The following GPC6 variants were observed in gnomAD, a reference collection of about 807,000 sequenced individuals.
GPC6 encodes glypican-6.
GPC6 carries 14 observed loss-of-function variants against 55.2 expected under a neutral mutation model. The ratio of observed to expected loss-of-function variants is 0.25; its 90% CI spans 0.17 to 0.40. The LOEUF (loss-of-function observed/expected upper bound fraction) is 0.40, where lower values mean the gene tolerates loss of function less well. GPC6 is among the 10% of genes least tolerant of loss of function. The pLI is 1.00. For missense variants in GPC6, 641 were observed against 708.5 expected, an observed-to-expected ratio of 0.90 and a Z score of 1.08; for synonymous variants, 278 against 259.6, an observed-to-expected ratio of 1.07 and a Z score of -0.68.
intron 1 of GPC6, among the ~76,000 whole-genome samples, chr13:93,273,524 G>A (rs1365010025): frequency 1.3e-5 from 2 of 152,044 alleles, no homozygotes; most frequent in Non-Finnish European, 2.9e-5. Context: ...CGGGCGTGGT[G>A]GTGGGCGCCT....
intron 2 of GPC6, among the ~76,000 whole-genome samples, chr13:93,632,686 A>C (rs1376613632): frequency 6.6e-6 from 1 of 150,580 alleles, no homozygotes; most frequent in South Asian, 2.1e-4. Flanking sequence ...ATTTGTGCAT[A>C]TATGCACATA....
intron 4 of GPC6, among the ~76,000 whole-genome samples, chr13:94,058,577 G>T (rs1201495384): frequency 6.6e-6 from 1 of 152,084 alleles, no homozygotes; most frequent in Admixed American, 6.6e-5. Context: ...AAGTTTGGAC[G>T]AACTACATTT....
chr13:93,736,376 T>C (rs1594412819), intron 2 of GPC6, among the ~76,000 whole-genome samples: 1 of 152,240 alleles, frequency 6.6e-6, no homozygotes, highest in Admixed American at 6.5e-5. Context: ...TTATGTTTCA[T>C]TGCCATATAC....
intron 2 of GPC6, among the ~76,000 whole-genome samples, chr13:93,550,523 G>A (rs527574331): frequency 1.3e-5 from 2 of 152,188 alleles, no homozygotes; most frequent in South Asian, 4.1e-4. Flanking sequence ...TTATTCTATA[G>A]TAACACCTGC....
intron 4 of GPC6, among the ~76,000 whole-genome samples, chr13:94,124,997 A>AT (rs1210875938): frequency 1.1e-4 from 17 of 151,554 alleles, no homozygotes; most frequent in African/African-American, 2.9e-4. Flanking sequence ...GTAAAAAATA[A>AT]TTTTTTTTTA....
At chr13:93,504,748 T>TA (rs905274163) in intron 1 of GPC6, among the ~76,000 whole-genome samples, 5 of 151,910 alleles carry the variant, frequency 3.3e-5, no homozygotes, top group South Asian at 2.1e-4. Context: ...AATAATTATC[T>TA]AAAAAAAACA....
At chr13:94,362,542 A>G (rs1000472703) in intron 6 of GPC6, among the ~76,000 whole-genome samples, 16 of 152,154 alleles carry the variant, frequency 1.1e-4, no homozygotes, top group Non-Finnish European at 2.4e-4. Context: ...TAAGACTGGT[A>G]AGGGGGTGAA....
chr13:94,267,371 A>G (rs1452107162), intron 4 of GPC6, among the ~76,000 whole-genome samples: 1 of 152,146 alleles, frequency 6.6e-6, no homozygotes, highest in Non-Finnish European at 1.5e-5. Context: ...GAACAAATAT[A>G]TTTTTTCTGG....
At chr13:93,909,650 A>G (rs374120461) in intron 3 of GPC6, among the ~76,000 whole-genome samples, 1 of 152,132 alleles carries the variant, frequency 6.6e-6, no homozygotes, top group African/African-American at 2.4e-5. Context: ...AGTTATTGGC[A>G]CCAGCCCCTT....
At chr13:94,111,116 T>C (rs142263219) in intron 4 of GPC6, among the ~76,000 whole-genome samples, 1 of 152,274 alleles carries the variant, frequency 6.6e-6, no homozygotes, top group African/African-American at 2.4e-5. Context: ...TTAATAGTAA[T>C]TCAGAGTCCC....
rs142753652 is a variant in GPC6, at chr13:94,396,016, C to T, written c.1290-2450C>T. 9.8e-5 allele frequency among the ~76,000 whole-genome samples: 15 copies of T among 152,308 alleles called. No homozygotes were observed. The East Asian group carries it at 1.2e-3, about 12-fold the overall frequency. On this transcript the variant is annotated intron_variant, in intron 7 of 8. Transcript: ENST00000377047. ...CTAAAGGGGTCAGGGCATCCTGCCCCGGTCCCCTCCCTGATAGGTCTTGGT... is the reference window on the plus strand; with the variant it reads ...CTAAAGGGGTCAGGGCATCCTGCCCTGGTCCCCTCCCTGATAGGTCTTGGT...
Position 93,246,771 on chromosome 13 carries a change from G to A in GPC6, c.160+19155G>A, listed in dbSNP as rs143122218. ...TGTGCCACTGCATTCAGGCCTGGGC[G>A]GCAGAGCAAGACTGTCTCAAAAAAA... On this transcript the variant is annotated intron_variant, in intron 1 of 8. Transcript: ENST00000377047. Among the ~76,000 whole-genome samples, 296 of 130,850 alleles carry A rather than the reference G, an allele frequency of 2.3e-3. 1 individual carries two copies. Among genetic ancestry groups the A allele is most frequent in the African/African-American group, 8.4e-3 (285 of 33,764 alleles). 85.8% of individuals were successfully genotyped at this position (130,850 alleles called of 152,430 possible). A position where few individuals can be genotyped will look rare whatever the true frequency, so the allele number is the denominator to read the frequency against.
chr13:93,792,730 C>A (rs550905074), intron 2 of GPC6, among the ~76,000 whole-genome samples: 1 of 152,272 alleles, frequency 6.6e-6, no homozygotes, highest in East Asian at 1.9e-4. Context: ...AGTACTCAAG[C>A]TATGCTGATG....
chr13:93,866,677 A>G (rs1236250189), intron 3 of GPC6, among the ~76,000 whole-genome samples: 1 of 151,784 alleles, frequency 6.6e-6, no homozygotes, highest in East Asian at 2.0e-4. Flanking sequence ...ATGAGAACAC[A>G]TGGACACACA....
In GPC6 at chr13:93,568,689, C is replaced by G. The variant is rs541804793; in HGVS notation, c.319+23268C>G. On this transcript the variant is annotated intron_variant, in intron 2 of 8. Transcript: ENST00000377047. ...GGTGTGAGACCTCTGCACATCCTTACAACAAATATCTACAACTTAAAGTAA... is the reference window on the plus strand; with the variant it reads ...GGTGTGAGACCTCTGCACATCCTTAGAACAAATATCTACAACTTAAAGTAA... Among the ~76,000 whole-genome samples the G allele has an allele frequency of 6.6e-5, 10 of 152,268 alleles. No individual in the cohort carries two copies. The East Asian group carries it at 1.7e-3, about 26-fold the overall frequency.
In GPC6 at chr13:93,567,678, A is replaced by G. The variant is rs139276904; in HGVS notation, c.319+22257A>G. ...ATTCAAAACATTTTGAATACACTATACTTCTTTTAGATTAGAAATTTATAT... is the reference window on the plus strand; with the variant it reads ...ATTCAAAACATTTTGAATACACTATGCTTCTTTTAGATTAGAAATTTATAT... On this transcript the variant is annotated intron_variant, in intron 2 of 8. Transcript: ENST00000377047. 8.3e-3 allele frequency among the ~76,000 whole-genome samples: 1,264 copies of G among 152,178 alleles called. 15 individuals carry two copies. The highest frequency in any genetic ancestry group is 0.029 in the African/African-American group (1,184 of 41,516).
chr13:93,669,460 C>T (rs1881273384), intron 2 of GPC6, among the ~76,000 whole-genome samples: 1 of 152,194 alleles, frequency 6.6e-6, no homozygotes, highest in Non-Finnish European at 1.5e-5. Flanking sequence ...TGTAAGCCCA[C>T]TGCTTGTCAA....
intron 4 of GPC6, among the ~76,000 whole-genome samples, chr13:94,085,775 CGT>C (rs112307257): frequency 0.24 from 36,225 of 152,154 alleles, 4,389 homozygotes; most frequent in South Asian, 0.27. Flanking sequence ...ACATCTTTAA[CGT>C]ATGTCTGAAA....
chr13:93,283,928 C>G lies in GPC6; in HGVS notation c.160+56312C>G, dbSNP rs576862662. Among the ~76,000 whole-genome samples, 3 of 152,124 alleles carry G rather than the reference C, an allele frequency of 2.0e-5. No homozygotes were observed. The East Asian group carries it at 5.8e-4, about 29-fold the overall frequency. On this transcript the variant is annotated intron_variant, in intron 1 of 8. Transcript: ENST00000377047. Reference sequence around the variant, plus strand: ...AAACAGGTTACAGAAAGCCCACTTACAATTTCACATTCCTTTTGGAAAACT... The same window carrying G: ...AAACAGGTTACAGAAAGCCCACTTAGAATTTCACATTCCTTTTGGAAAACT...
Sources: allele counts gnomAD v4.1 joint callset (sites outside exome capture counted in the v4.1 genomes callset), GRCh38; gene constraint gnomAD v4.1.1; transcripts MANE v1.5; gene names NCBI Gene and HGNC (gene_info 2026-07-23, HGNC 2026-07-21).